The following KPNA3 variants were observed in gnomAD, a reference collection of about 807,000 sequenced individuals.
KPNA3 encodes the protein karyopherin subunit alpha 3, also known as importin subunit alpha-4.
A neutral mutation model predicts 73.8 loss-of-function variants in KPNA3; 13 were observed. The ratio of observed to expected loss-of-function variants is 0.18; its 90% CI spans 0.11 to 0.28. The LOEUF is 0.28. Ranked by LOEUF, KPNA3 falls within the 10% of genes least tolerant of loss-of-function variation. KPNA3 has a pLI of 1.00. For synonymous variants in KPNA3, 186 were observed against 206.9 expected (o/e 0.90, Z 0.87); for missense variants, 360 against 618.1 (o/e 0.58, Z 4.43).
intron 1 of KPNA3, among the ~76,000 whole-genome samples, chr13:49,747,643 G>A (rs796338671): frequency 2.0e-5 from 3 of 152,306 alleles, no homozygotes; most frequent in African/African-American, 7.2e-5. Flanking sequence ...CTGAGATCAT[G>A]CCACTGCACT....
At chr13:49,774,183 G>A (rs1332393814) in intron 1 of KPNA3, among the ~76,000 whole-genome samples, 1 of 152,086 alleles carries the variant, frequency 6.6e-6, no homozygotes, top group East Asian at 1.9e-4. Context: ...AGGATTACAG[G>A]TGTGACCCAC....
intron 1 of KPNA3, among the ~76,000 whole-genome samples, chr13:49,767,021 T>G (rs1954813893): frequency 6.6e-6 from 1 of 151,564 alleles, no homozygotes; most frequent in African/African-American, 2.4e-5. Flanking sequence ...TTTTATAATT[T>G]TAAGTTCTGA....
At chr13:49,727,447 C>CAA (rs1242720259) in intron 6 of KPNA3, among the ~76,000 whole-genome samples, 45 of 50,032 alleles carry the variant, frequency 9.0e-4, no homozygotes, top group African/African-American at 1.5e-3. Flanking sequence ...GATTCCATCT[C>CAA]AAAAAAAAAA....
intron 1 of KPNA3, among the ~76,000 whole-genome samples, chr13:49,776,356 A>G (rs1182142201): frequency 2.0e-5 from 3 of 152,210 alleles, no homozygotes; most frequent in Non-Finnish European, 4.4e-5. Context: ...ATTGCCCAAG[A>G]GCAGTGAGGA....
rs78495734 is a variant in KPNA3 at position 49,749,804 on chromosome 13, G to A, written c.70-2811C>T. ...ATAATTAAAGACCACTTATTCACCC[G>A]AAAGAATCATATAAATGTAAATGGC... On this transcript the variant is annotated intron_variant, in intron 1 of 16. Transcript: ENST00000261667. Among the ~76,000 whole-genome samples the A allele has an allele frequency of 4.3e-3, 660 of 152,216 alleles. 6 individuals carry two copies. Among genetic ancestry groups the A allele is most frequent in the African/African-American group, 0.015 (626 of 41,546 alleles).
chr13:49,718,174 T>G (rs550502829), intron 10 of KPNA3, among the ~76,000 whole-genome samples: 8 of 152,268 alleles, frequency 5.3e-5, no homozygotes, highest in Non-Finnish European at 1.0e-4. Context: ...AGAATAAAAC[T>G]TATCTTACAA....
At chr13:49,745,595 TG>T (rs1954609983) in intron 2 of KPNA3, among the ~76,000 whole-genome samples, 1 of 151,680 alleles carries the variant, frequency 6.6e-6, no homozygotes, top group Non-Finnish European at 1.5e-5. Flanking sequence ...TGACCTCAGG[TG>T]ATCTGTCCAC....
intron 1 of KPNA3, among the ~76,000 whole-genome samples, chr13:49,766,697 CA>C (rs1202805541): frequency 2.0e-5 from 3 of 152,162 alleles, no homozygotes; most frequent in Non-Finnish European, 4.4e-5. Context: ...TCGGAAACTT[CA>C]AACTTCCTTC....
chr13:49,707,775 CTTCT>C (rs1193261969), intron 12 of KPNA3, among the ~76,000 whole-genome samples: 1 of 151,716 alleles, frequency 6.6e-6, no homozygotes, highest in Non-Finnish European at 1.5e-5. Flanking sequence ...AAGTCTCTGG[CTTCT>C]TTGTCTTCAC....
intron 6 of KPNA3, among the ~76,000 whole-genome samples, chr13:49,727,780 G>C (rs1026953645): frequency 5.9e-5 from 9 of 152,120 alleles, no homozygotes; most frequent in Non-Finnish European, 1.2e-4. Flanking sequence ...AGAGCCCCTA[G>C]AAGAGCAACA....
At chr13:49,715,286 T>A (rs749654712) in intron 10 of KPNA3, among the ~76,000 whole-genome samples, 6 of 152,116 alleles carry the variant, frequency 3.9e-5, no homozygotes, top group Admixed American at 6.5e-5. Context: ...ATATCCTTAA[T>A]ATATAAAGAA....
intron 15 of KPNA3, among the ~76,000 whole-genome samples, chr13:49,704,428 AAATAAAAAAT>A (rs1344089956): frequency 1.4e-4 from 12 of 85,652 alleles, no homozygotes; most frequent in Non-Finnish European, 3.0e-4. Context: ...AAAAATAAAT[AAATAAAAAAT>A]AAATAAATAA....
intron 10 of KPNA3, among the ~76,000 whole-genome samples, chr13:49,713,319 C>A (rs570803596): frequency 2.9e-4 from 36 of 123,506 alleles, no homozygotes; most frequent in Non-Finnish European, 1.9e-4. Context: ...CACACACACA[C>A]AAATATATGT....
chr13:49,745,937 C>G (rs1159314855), intron 2 of KPNA3, among the ~76,000 whole-genome samples: 2 of 151,426 alleles, frequency 1.3e-5, no homozygotes, highest in South Asian at 4.2e-4. Flanking sequence ...GTGGTGGACG[C>G]CTGTAGTCCC....
chr13:49,778,745 C>A (rs1303728092), intron 1 of KPNA3, among the ~76,000 whole-genome samples: 1 of 152,044 alleles, frequency 6.6e-6, no homozygotes. Flanking sequence ...CAAGCTGGGA[C>A]TACGGTTGTG....
chr13:49,732,297 T>G lies in KPNA3; in HGVS notation c.383+74A>C, dbSNP rs111997454. The G allele has an allele frequency of 4.6e-6, 3 of 646,830 alleles. No homozygotes were observed. In the East Asian group the frequency reaches 8.0e-5, roughly 17 times the overall value. 40.1% of individuals were successfully genotyped at this position (646,830 alleles called of 1,614,324 possible). ...TCATAAGTACAAAACCAAACTGAAC[T>G]CACTGGTTAAGTAATAATCCAAACT... On this transcript the variant is annotated intron_variant, in intron 6 of 16. Transcript: ENST00000261667.
chr13:49,770,005 A>G (rs1954839934), intron 1 of KPNA3, among the ~76,000 whole-genome samples: 1 of 151,920 alleles, frequency 6.6e-6, no homozygotes, highest in South Asian at 2.1e-4. Context: ...GCATCTTTTC[A>G]TGTGTTTGTT....
chr13:49,722,141 T>C lies in KPNA3; in HGVS notation c.557-17A>G. On this transcript the variant is annotated splice_polypyrimidine_tract_variant and intron_variant, in intron 8 of 16. Coordinates refer to ENST00000261667, the MANE Select transcript of KPNA3 (RefSeq NM_002267.4). ...GACCATCACCTACAGAAATGAAAATTATATTTAAAAAAAACTTACATTCAG... is the reference window on the plus strand; with the variant it reads ...GACCATCACCTACAGAAATGAAAATCATATTTAAAAAAAACTTACATTCAG... The C allele has an allele frequency of 6.7e-7, 1 of 1,489,400 alleles. No individual in the cohort carries two copies. Among genetic ancestry groups the C allele is most frequent in the Non-Finnish European group, 9.0e-7 (1 of 1,114,938 alleles). The allele number at this position is 1,489,400 out of a possible 1,614,324, so 92.3% of individuals were successfully genotyped here.
chr13:49,707,301 ATT>A (rs1954216952), intron 12 of KPNA3, among the ~76,000 whole-genome samples: 1 of 152,168 alleles, frequency 6.6e-6, no homozygotes, highest in African/African-American at 2.4e-5. Flanking sequence ...CCACAAATGA[ATT>A]TGTTTTGCCA....
Sources: gnomAD v4.1 joint callset for allele counts (sites outside exome capture counted in the v4.1 genomes callset) on GRCh38, gnomAD v4.1.1 for gene constraint, MANE v1.5 for transcripts, NCBI Gene and HGNC (gene_info 2026-07-23, HGNC 2026-07-21) for gene names.